ZNF609: variants seen among roughly 807,000 people sequenced by gnomAD.
ZNF609 encodes the protein zinc finger protein 609.
In ZNF609, 11 loss-of-function variants were observed where a neutral mutation model predicts 109.5. The observed-to-expected ratio is 0.10, with a 90% CI of 0.06 to 0.17. The LOEUF (loss-of-function observed/expected upper bound fraction) is 0.17. Ranked by LOEUF, ZNF609 falls within the 10% of genes least tolerant of loss-of-function variation. The pLI is 1.00. For synonymous variants in ZNF609, 646 were observed against 662.0 expected (o/e 0.98, Z 0.37); for missense variants, 1,559 against 1,772.4 (o/e 0.88, Z 2.16).
chr15:64,499,260 C>G, intron 1 of ZNF609, 33 bp from the exon 2 acceptor site: 12 of 958,300 alleles, frequency 1.3e-5, no homozygotes, highest in Non-Finnish European at 1.8e-5. Flanking sequence ...TGTATTGTTT[C>G]TTTTAACAGC....
intron 2 of ZNF609, among the ~76,000 whole-genome samples, chr15:64,561,615 C>T (rs898191997): frequency 6.7e-6 from 1 of 149,144 alleles, no homozygotes; most frequent in Admixed American, 6.8e-5. Flanking sequence ...AGGCTAGCCA[C>T]GAACTCCTGG....
At chr15:64,673,521 C>T (rs1329275551) in intron 4 of ZNF609, among the ~76,000 whole-genome samples, 1 of 152,180 alleles carries the variant, frequency 6.6e-6, no homozygotes, top group African/African-American at 2.4e-5. Flanking sequence ...AGGCATTGGG[C>T]TAAAAGTAGA....
chr15:64,517,526 A>C (rs1283166670), intron 2 of ZNF609, among the ~76,000 whole-genome samples: 1 of 152,150 alleles, frequency 6.6e-6, no homozygotes, highest in Non-Finnish European at 1.5e-5. Context: ...TCATCCAACA[A>C]ATAATTATTA....
intron 2 of ZNF609, among the ~76,000 whole-genome samples, chr15:64,522,896 T>A (rs1893913103): frequency 6.6e-6 from 1 of 152,060 alleles, no homozygotes; most frequent in Non-Finnish European, 1.5e-5. Flanking sequence ...TGGATTTCTA[T>A]GTTGACCAGT....
intron 2 of ZNF609, among the ~76,000 whole-genome samples, chr15:64,543,621 G>A (rs1460867196): frequency 6.6e-6 from 1 of 151,384 alleles, no homozygotes. Flanking sequence ...TTTTTGTATT[G>A]TTAGTAGAGA....
At chr15:64,514,449 G>A (rs1441421106) in intron 2 of ZNF609, among the ~76,000 whole-genome samples, 1 of 152,002 alleles carries the variant, frequency 6.6e-6, no homozygotes, top group East Asian at 1.9e-4. Context: ...TTTCTGTATA[G>A]TAACCTCAGA....
At chr15:64,607,183 TAA>T (rs35601437) in intron 2 of ZNF609, among the ~76,000 whole-genome samples, 1 of 151,328 alleles carries the variant, frequency 6.6e-6, no homozygotes, top group Non-Finnish European at 1.5e-5. Context: ...ATAAATAAAG[TAA>T]AAAAAATAAA....
chr15:64,627,663 CTTTT>C (rs35293725), intron 3 of ZNF609, among the ~76,000 whole-genome samples: 23 of 86,014 alleles, frequency 2.7e-4, no homozygotes, highest in South Asian at 4.4e-4. Context: ...TTTTTTCTTT[CTTTT>C]TTTTTTTTTT....
intron 2 of ZNF609, among the ~76,000 whole-genome samples, chr15:64,510,570 G>T (rs1320780911): frequency 2.0e-5 from 3 of 151,998 alleles, no homozygotes; most frequent in Admixed American, 2.0e-4. Flanking sequence ...TTTATCATAG[G>T]TACGTACGTA....
intron 2 of ZNF609, among the ~76,000 whole-genome samples, chr15:64,615,561 A>G (rs1271871056): frequency 6.8e-6 from 1 of 147,650 alleles, no homozygotes; most frequent in Non-Finnish European, 1.5e-5. Flanking sequence ...ATCTCGGCTC[A>G]CTACAACTTC....
At chr15:64,600,814 C>A (rs1032509704) in intron 2 of ZNF609, among the ~76,000 whole-genome samples, 13 of 151,978 alleles carry the variant, frequency 8.6e-5, no homozygotes, top group African/African-American at 3.1e-4. Context: ...TTTATATAGT[C>A]TTTGTTATTT....
intron 2 of ZNF609, among the ~76,000 whole-genome samples, chr15:64,589,274 A>G (rs1895254588): frequency 6.6e-6 from 1 of 152,106 alleles, no homozygotes; most frequent in African/African-American, 2.4e-5. Flanking sequence ...TTAGCCTGAA[A>G]AGACCTACTG....
intron 2 of ZNF609, among the ~76,000 whole-genome samples, chr15:64,518,188 G>A (rs113025973): frequency 7.9e-5 from 12 of 152,356 alleles, no homozygotes; most frequent in African/African-American, 2.9e-4. Flanking sequence ...GGTGGCCAGA[G>A]TATAGTGTAG....
chr15:64,658,776 G>A (rs1595755285), intron 3 of ZNF609, among the ~76,000 whole-genome samples: 2 of 148,926 alleles, frequency 1.3e-5, no homozygotes, highest in South Asian at 4.2e-4. Context: ...CAGCCTGGAT[G>A]ACAAAGATCC....
At chr15:64,612,768 A>G (rs1567029416) in intron 2 of ZNF609, among the ~76,000 whole-genome samples, 1 of 151,886 alleles carries the variant, frequency 6.6e-6, no homozygotes, top group Non-Finnish European at 1.5e-5. Flanking sequence ...TAATCCCAGT[A>G]CTTTGGGAGG....
intron 2 of ZNF609, among the ~76,000 whole-genome samples, chr15:64,536,794 C>T (rs1329056223): frequency 6.6e-6 from 1 of 151,360 alleles, no homozygotes; most frequent in African/African-American, 2.4e-5. Flanking sequence ...TACTCAGTGC[C>T]AGCTACTCTG....
chr15:64,459,930 G>A (rs1393501587), upstream of ZNF609, among the ~76,000 whole-genome samples: 1 of 152,060 alleles, frequency 6.6e-6, no homozygotes, highest in East Asian at 1.9e-4. Flanking sequence ...GACAGAATAA[G>A]GTTTTTAGAT....
At chr15:64,645,028 CCTTT>C (rs1228536268) in intron 3 of ZNF609, among the ~76,000 whole-genome samples, 108 of 139,868 alleles carry the variant, frequency 7.7e-4, no homozygotes, top group African/African-American at 2.1e-3. Flanking sequence ...TTCCTTCCTT[CCTTT>C]CTTCCTTCCT....
chr15:64,465,693 C>T (rs1893004163), intron 1 of ZNF609, among the ~76,000 whole-genome samples: 1 of 151,344 alleles, frequency 6.6e-6, no homozygotes. Flanking sequence ...TTGTTTTTTT[C>T]AATTTTTAGT....
Sources: gnomAD v4.1 joint callset for allele counts (sites outside exome capture counted in the v4.1 genomes callset) on GRCh38, gnomAD v4.1.1 for gene constraint, MANE v1.5 for transcripts, NCBI Gene and HGNC (gene_info 2026-07-23, HGNC 2026-07-21) for gene names.